The following IL1RL1 variants were observed in gnomAD, a reference collection of about 807,000 sequenced individuals.
IL1RL1 encodes interleukin-1 receptor-like 1.
In IL1RL1, 32 loss-of-function variants were observed where a neutral mutation model predicts 50.9. The observed-to-expected ratio is 0.63, with a 90% CI of 0.47 to 0.84. The LOEUF (loss-of-function observed/expected upper bound fraction) is 0.84. IL1RL1 is among the 40% of genes least tolerant of loss of function. The pLI is 0.00. For synonymous variants in IL1RL1, 275 were observed against 236.0 expected (o/e 1.17, Z -1.51); for missense variants, 773 against 662.9 (o/e 1.17, Z -1.82).
At chr2:102,325,812 A>G (rs1371307440) in intron 1 of IL1RL1, among the ~76,000 whole-genome samples, 1 of 152,218 alleles carries the variant, frequency 6.6e-6, no homozygotes, top group Non-Finnish European at 1.5e-5. Context: ...AAGTAGAATA[A>G]AAGGAAACGA....
intron 1 of IL1RL1, among the ~76,000 whole-genome samples, chr2:102,313,819 G>A (rs1676591712): frequency 6.6e-6 from 1 of 152,236 alleles, no homozygotes; most frequent in Non-Finnish European, 1.5e-5. Flanking sequence ...ATGCATGTGT[G>A]TGTGCACGAG....
chr2:102,316,709 C>T (rs1399343560), intron 1 of IL1RL1, among the ~76,000 whole-genome samples: 2 of 152,258 alleles, frequency 1.3e-5, no homozygotes, highest in Admixed American at 1.3e-4. Context: ...TGTACAATTT[C>T]ATTTCCCTTC....
At chr2:102,315,300 A>G (rs940652757) in intron 1 of IL1RL1, among the ~76,000 whole-genome samples, 1 of 146,042 alleles carries the variant, frequency 6.8e-6, no homozygotes, top group Non-Finnish European at 1.5e-5. Context: ...GTCTACCCAC[A>G]GGACCAGTCA....
intron 8 of IL1RL1, among the ~76,000 whole-genome samples, chr2:102,346,279 G>A (rs12989197): frequency 0.14 from 20,919 of 152,108 alleles, 1,674 homozygotes; most frequent in Middle Eastern, 0.33. Context: ...GGACTCATCT[G>A]CTTATTTTAC....
chr2:102,318,005 G>T (rs1374338956), intron 1 of IL1RL1, among the ~76,000 whole-genome samples: 1 of 152,200 alleles, frequency 6.6e-6, no homozygotes, highest in East Asian at 1.9e-4. Context: ...GTGTTGTGTA[G>T]TTAAGATTGG....
At position 102,340,782 on chromosome 2, in the gene IL1RL1, T is replaced by C. The variant is rs1430005329; in HGVS notation, c.564T>C (p.Asn188=). 2 of 1,589,406 alleles carry C rather than the reference T, an allele frequency of 1.3e-6. 1 individual carries two copies. The change falls in exon 5 of 11, where the codon AAT becomes AAC. Residue 188 remains asparagine, a synonymous_variant. Transcript: ENST00000233954. ...DYTCKFIHNE[N]GANYSVTATR... is the part of the protein sequence containing the mutation. The stretch of plus-strand genomic sequence containing the variant: ...CCTGTAAATTTATACACAATGAAAA[T>C]GGAGCCAATTATAGTGTGACGGCGA...
intron 1 of IL1RL1, among the ~76,000 whole-genome samples, chr2:102,316,473 G>A (rs1365529653): frequency 6.6e-6 from 1 of 152,120 alleles, no homozygotes; most frequent in East Asian, 1.9e-4. Flanking sequence ...AAGTTCCTGG[G>A]CCCTATGGTA....
At position 102,337,208 on chromosome 2, in the gene IL1RL1, G is replaced by A. The variant is rs556539852; in HGVS notation, c.-149-908G>A. 5.2e-5 allele frequency: 8 copies of A among 152,398 alleles called. No homozygotes were observed. The East Asian group carries it at 1.3e-3, about 25-fold the overall frequency. 9.4% of individuals were successfully genotyped at this position (152,398 alleles called of 1,614,324 possible). A position where few individuals can be genotyped will look rare whatever the true frequency, so the allele number is the denominator to read the frequency against. On this transcript the variant is annotated intron_variant, in intron 1 of 10. Coordinates refer to ENST00000233954, the MANE Select transcript of IL1RL1 (RefSeq NM_016232.5). ...GATTTGGCCACAAATCAAATTTCAG[G>A]ATGGGAGGAGTGTCTCCCCTTTAAA...
At position 102,340,194 on chromosome 2, in the gene IL1RL1, T is replaced by C. The variant is rs140675864; in HGVS notation, c.369T>C (p.Ser123=). Reference sequence around the variant, plus strand: ...ATTATTTGATGTATTCAACAGTATCTGGATCAGAAAAAAATTCCAAAATTT... The same window carrying C: ...ATTATTTGATGTATTCAACAGTATCCGGATCAGAAAAAAATTCCAAAATTT... ...VPDYLMYSTV[S]GSEKNSKIYC... Residue 123 remains serine, a synonymous_variant, in exon 4 of 11, where the codon TCT becomes TCC. Coordinates refer to ENST00000233954, the MANE Select transcript of IL1RL1 (RefSeq NM_016232.5). The C allele has an allele frequency of 8.0e-4, 1,291 of 1,605,122 alleles. 9 individuals carry two copies. In the African/African-American group the frequency reaches 0.016, roughly 19 times the overall value.
chr2:102,343,407 A>C lies in IL1RL1; in HGVS notation c.962A>C (p.Lys321Thr), dbSNP rs775946505. ...LRRHTVRLSR[K>T]NPIDHHSIYC... ...AGGCACACCGTAAGACTAAGTAGGA[A>C]AAATCCAAGTAAGGAGTGTTTCTGA... Residue 321 changes from lysine (K) to threonine (T), a missense_variant, in exon 8 of 11, where the codon AAA becomes ACA. Physicochemically the swap from Lys to Thr is moderately conservative, Grantham distance 78. Transcript: ENST00000233954. The C allele has an allele frequency of 6.2e-7, 1 of 1,614,236 alleles. No individual in the cohort carries two copies. Among genetic ancestry groups the C allele is most frequent in the South Asian group, 1.1e-5 (1 of 91,088 alleles).
At chr2:102,331,445 G>A (rs11890976) in intron 1 of IL1RL1, among the ~76,000 whole-genome samples, 5 of 152,210 alleles carry the variant, frequency 3.3e-5, no homozygotes, top group African/African-American at 1.2e-4. Flanking sequence ...TGATGATTTA[G>A]TCATTTCACA....
chr2:102,348,143 T>G, intron 9 of IL1RL1, 52 bp downstream of exon 9: 2 of 1,448,372 alleles, frequency 1.4e-6, no homozygotes, highest in Non-Finnish European at 1.9e-6. Context: ...CCATAATAAC[T>G]GTTGGTTACC....
chr2:102,332,423 A>G (rs1677201346), intron 1 of IL1RL1, among the ~76,000 whole-genome samples: 1 of 152,210 alleles, frequency 6.6e-6, no homozygotes, highest in African/African-American at 2.4e-5. Flanking sequence ...TAAGGGATGA[A>G]TGGATAAACA....
chr2:102,317,957 G>T (rs969168701), intron 1 of IL1RL1, among the ~76,000 whole-genome samples: 2 of 152,108 alleles, frequency 1.3e-5, no homozygotes, highest in Non-Finnish European at 2.9e-5. Context: ...GTGGGAGCAG[G>T]CTCGGGAGGC....
intron 1 of IL1RL1, among the ~76,000 whole-genome samples, chr2:102,327,235 A>G (rs967348630): frequency 1.3e-5 from 2 of 152,292 alleles, no homozygotes; most frequent in African/African-American, 4.8e-5. Flanking sequence ...GAAACTGAAC[A>G]ACCTGCTCCT....
At chr2:102,342,338 T>C in intron 6 of IL1RL1, 44 bp downstream of exon 6, 1 of 1,335,740 alleles carries the variant, frequency 7.5e-7, no homozygotes, top group Non-Finnish European at 1.1e-6. Context: ...CCTGGAAAAA[T>C]CCTTCCATAT....
At chr2:102,339,928 A>G (rs974829401) in intron 3 of IL1RL1, among the ~76,000 whole-genome samples, 170 bp from the exon 4 acceptor site, 5 of 152,228 alleles carry the variant, frequency 3.3e-5, no homozygotes, top group African/African-American at 4.8e-5. Flanking sequence ...AAGTGTAACA[A>G]AAAAGTATTT....
At chr2:102,335,393 A>C (rs1004974263) in intron 1 of IL1RL1, among the ~76,000 whole-genome samples, 2 of 151,618 alleles carry the variant, frequency 1.3e-5, no homozygotes, top group African/African-American at 4.8e-5. Flanking sequence ...TGGGGGGAGA[A>C]AAGCTTGACT....
chr2:102,342,198 AT>A (rs1475175142), intron 5 of IL1RL1, 24 bp from the exon 6 acceptor site: 1 of 1,523,102 alleles, frequency 6.6e-7, no homozygotes, highest in Non-Finnish European at 9.1e-7. Flanking sequence ...CTCTCCTAAT[AT>A]TTATATTTCT....
Sources: allele counts gnomAD v4.1 joint callset (sites outside exome capture counted in the v4.1 genomes callset), GRCh38; gene constraint gnomAD v4.1.1; transcripts MANE v1.5; gene names NCBI Gene and HGNC (gene_info 2026-07-23, HGNC 2026-07-21).